ADAM2: variants seen among roughly 807,000 people sequenced by gnomAD.
ADAM2 encodes disintegrin and metalloproteinase domain-containing protein 2.
Under a neutral mutation model 99.3 loss-of-function variants are expected in ADAM2, and 101 were observed. The observed-to-expected ratio is 1.02, with a 90% CI of 0.87 to 1.20. ADAM2 has a LOEUF of 1.20. Among genes scored for constraint, ADAM2 ranks in the 50% most tolerant of loss-of-function variants. The pLI is 0.00. For missense variants in ADAM2, 948 were observed against 878.7 expected (o/e 1.08, Z -1.00); for synonymous variants, 323 against 287.6 (o/e 1.12, Z -1.25).
intron 7 of ADAM2, among the ~76,000 whole-genome samples, chr8:39,805,252 G>A (rs1804390053): frequency 6.6e-6 from 1 of 152,132 alleles, no homozygotes; most frequent in South Asian, 2.1e-4. Context: ...GTTTTGATAG[G>A]GACAGGAGGC....
intron 11 of ADAM2, among the ~76,000 whole-genome samples, chr8:39,776,258 G>A (rs1448335995): frequency 3.3e-5 from 5 of 151,978 alleles, no homozygotes; most frequent in African/African-American, 1.2e-4. Context: ...TTTAGGACAG[G>A]TCCCCCATCC....
At position 39,772,712 on chromosome 8, in the gene ADAM2, C is replaced by G. The variant is rs548375073; in HGVS notation, c.1029-3137G>C. On this transcript the variant is annotated intron_variant, in intron 11 of 20. Coordinates refer to ENST00000265708, the MANE Select transcript of ADAM2 (RefSeq NM_001464.5). The stretch of plus-strand genomic sequence containing the variant: ...ACATTTCAACCATTCATTTTCTCAC[C>G]ACAAAATTACAAAGTATTTGCAAAA... 2.0e-5 allele frequency among the ~76,000 whole-genome samples: 3 copies of G among 151,964 alleles called. No homozygotes were observed. In the East Asian group the frequency reaches 5.8e-4, roughly 29 times the overall value.
chr8:39,780,083 T>C (rs1803154214), intron 10 of ADAM2, among the ~76,000 whole-genome samples: 1 of 152,058 alleles, frequency 6.6e-6, no homozygotes, highest in Non-Finnish European at 1.5e-5. Context: ...TTCACATGGC[T>C]GGGGAAGCAT....
chr8:39,798,948 C>T (rs185613273), intron 7 of ADAM2, among the ~76,000 whole-genome samples: 110 of 152,122 alleles, frequency 7.2e-4, no homozygotes, highest in African/African-American at 2.5e-3. Flanking sequence ...ATTAGTCTAG[C>T]TTGCAGTCTG....
intron 7 of ADAM2, among the ~76,000 whole-genome samples, chr8:39,796,195 C>T (rs184895063): frequency 5.9e-5 from 9 of 152,172 alleles, no homozygotes; most frequent in Admixed American, 1.3e-4. Flanking sequence ...TCCCCTCAGC[C>T]CCCACCCCAC....
rs1342260241 is a variant in ADAM2, at chr8:39,749,581, G to GCA, written c.1875+85_1875+86insTG. On this transcript the variant is annotated intron_variant, in intron 17 of 20. Transcript: ENST00000265708. ...TATGTTTTGGTGTGTGTGTGTGTGT[G>GCA]TGTGCGTGTGTGTGTGTGTAGCAAT... The GCA allele has an allele frequency of 3.5e-4, 442 of 1,279,312 alleles. 1 individual carries two copies. Among genetic ancestry groups the GCA allele is most frequent in the Non-Finnish European group, 4.2e-4 (387 of 921,698 alleles). 79.2% of individuals were successfully genotyped at this position (1,279,312 alleles called of 1,614,324 possible).
intron 8 of ADAM2, 87 bp downstream of exon 8, chr8:39,788,582 G>A (rs568972809): frequency 1.1e-5 from 10 of 875,170 alleles, no homozygotes; most frequent in Admixed American, 2.7e-5. Flanking sequence ...GCCACACAAC[G>A]TGTGGATTCA....
intron 11 of ADAM2, among the ~76,000 whole-genome samples, chr8:39,776,398 T>C (rs1432982467): frequency 6.6e-6 from 1 of 152,076 alleles, no homozygotes. Context: ...CTAACACATC[T>C]GAGAAACAAA....
intron 3 of ADAM2, among the ~76,000 whole-genome samples, chr8:39,825,291 A>G (rs1192460429): frequency 1.3e-5 from 2 of 152,220 alleles, no homozygotes; most frequent in African/African-American, 2.4e-5. Flanking sequence ...TCACCAAAGC[A>G]TAGGATTTTT....
At chr8:39,809,516 T>A (rs1191628732) in intron 6 of ADAM2, 50 bp from the exon 7 acceptor site, 3 of 848,484 alleles carry the variant, frequency 3.5e-6, no homozygotes, top group Admixed American at 2.0e-5. Flanking sequence ...TACTTAAGTA[T>A]TTTTAGTGCA....
At position 39,772,200 on chromosome 8, in the gene ADAM2, T is replaced by C. The variant is rs1802812167; in HGVS notation, c.1029-2625A>G. 4.6e-5 allele frequency among the ~76,000 whole-genome samples: 7 copies of C among 151,972 alleles called. No homozygotes were observed. In the South Asian group the frequency reaches 1.4e-3, roughly 31 times the overall value. On this transcript the variant is annotated intron_variant, in intron 11 of 20. Transcript: ENST00000265708. ...TTGCAGCTTGAATCTTCATGGAGATTTGCTGGATGCTTTCATTCTCTATTC... is the reference window on the plus strand; with the variant it reads ...TTGCAGCTTGAATCTTCATGGAGATCTGCTGGATGCTTTCATTCTCTATTC...
chr8:39,755,814 GATGTCCACTTATGTTGGCATAA>G lies in ADAM2; in HGVS notation c.1689_1710del (p.Tyr564SerfsTer19). 6.2e-7 allele frequency: 1 copy of G among 1,611,080 alleles called. No homozygotes were observed. The highest frequency in any genetic ancestry group is 1.1e-5 in the South Asian group (1 of 90,932). ...CTGGCAAATTCCACAGCAATGCAGAGATGTCCACTTATGTTGGCATAAATAATAGTGGCTCTTGGAATTTGTA... is the reference window on the plus strand; with the variant it reads ...CTGGCAAATTCCACAGCAATGCAGAGATAATAGTGGCTCTTGGAATTTGTA... On this transcript the variant is annotated frameshift_variant, in exon 16 of 21. Coordinates refer to ENST00000265708, the MANE Select transcript of ADAM2 (RefSeq NM_001464.5). LOFTEE classifies it high-confidence loss of function.
intron 19 of ADAM2, 51 bp from the exon 20 acceptor site, chr8:39,744,944 C>T: frequency 1.4e-6 from 2 of 1,405,022 alleles, no homozygotes; most frequent in South Asian, 1.2e-5. Context: ...GATGATTTTA[C>T]AAACCTCTGT....
At chr8:39,752,614 G>C (rs1801990787) in intron 16 of ADAM2, among the ~76,000 whole-genome samples, 1 of 152,142 alleles carries the variant, frequency 6.6e-6, no homozygotes, top group South Asian at 2.1e-4. Context: ...TGCAGGGAGA[G>C]TAACATTTGC....
intron 15 of ADAM2, among the ~76,000 whole-genome samples, chr8:39,758,175 G>A (rs1802219511): frequency 6.6e-6 from 1 of 151,980 alleles, no homozygotes; most frequent in Non-Finnish European, 1.5e-5. Context: ...ACATGTATGT[G>A]CATATATGAA....
intron 7 of ADAM2, among the ~76,000 whole-genome samples, chr8:39,808,193 C>CACAA (rs1228480217): frequency 7.1e-6 from 1 of 140,172 alleles, no homozygotes; most frequent in Non-Finnish European, 1.5e-5. Flanking sequence ...AAGGAATACA[C>CACAA]ACACACACAC....
At chr8:39,779,917 CAT>C (rs1049683783) in intron 10 of ADAM2, among the ~76,000 whole-genome samples, 26 of 152,104 alleles carry the variant, frequency 1.7e-4, no homozygotes, top group Middle Eastern at 3.4e-3. Flanking sequence ...TTAATGAACA[CAT>C]GTTATGTTTT....
intron 7 of ADAM2, among the ~76,000 whole-genome samples, chr8:39,795,374 T>A (rs1408958456): frequency 6.6e-6 from 1 of 152,120 alleles, no homozygotes. Context: ...AGCACAGACC[T>A]TAAGTCTGAT....
chr8:39,828,931 C>T (rs1332573465), intron 3 of ADAM2, among the ~76,000 whole-genome samples: 2 of 151,518 alleles, frequency 1.3e-5, no homozygotes, highest in African/African-American at 2.4e-5. Flanking sequence ...CATAAATAGA[C>T]AAATAGACCA....
Sources: gnomAD v4.1 joint callset for allele counts (sites outside exome capture counted in the v4.1 genomes callset) on GRCh38, gnomAD v4.1.1 for gene constraint, MANE v1.5 for transcripts, NCBI Gene and HGNC (gene_info 2026-07-23, HGNC 2026-07-21) for gene names.